The following CADM2 variants were observed in gnomAD, a reference collection of about 807,000 sequenced individuals.
The protein encoded by CADM2 is immunoglobulin superfamily member 4D.
In CADM2, 12 loss-of-function variants were observed where a neutral mutation model predicts 49.8. The observed-to-expected ratio is 0.24, with a 90% CI of 0.15 to 0.39. The LOEUF is 0.39. Ranked by LOEUF, CADM2 falls within the 10% of genes least tolerant of loss-of-function variation. CADM2 has a pLI of 1.00. For missense variants in CADM2, 378 were observed against 492.3 expected, an observed-to-expected ratio of 0.77 and a Z score of 2.20; for synonymous variants, 214 against 175.4, an observed-to-expected ratio of 1.22 and a Z score of -1.74.
At chr3:85,388,697 C>T (rs757779730) in intron 1 of CADM2, among the ~76,000 whole-genome samples, 9 of 151,900 alleles carry the variant, frequency 5.9e-5, no homozygotes, top group Non-Finnish European at 1.2e-4. Flanking sequence ...TCCAGACTTA[C>T]CATAGCCAGG....
At chr3:85,689,745 A>C (rs1364781727) in intron 1 of CADM2, among the ~76,000 whole-genome samples, 1 of 152,246 alleles carries the variant, frequency 6.6e-6, no homozygotes, top group Non-Finnish European at 1.5e-5. Context: ...ATTATTCAGA[A>C]GACAATTATA....
intron 1 of CADM2, among the ~76,000 whole-genome samples, chr3:85,278,684 G>A (rs1289604800): frequency 6.7e-6 from 1 of 150,118 alleles, no homozygotes; most frequent in Non-Finnish European, 1.5e-5. Flanking sequence ...ATTTTTCAGA[G>A]ACGGTGTATG....
intron 1 of CADM2, among the ~76,000 whole-genome samples, chr3:85,556,187 TA>T (rs1331051640): frequency 2.6e-5 from 4 of 152,090 alleles, no homozygotes; most frequent in Non-Finnish European, 5.9e-5. Context: ...AATCTTATAA[TA>T]AAGTAAGCTA....
chr3:85,488,436 A>T (rs1385468470), intron 1 of CADM2, among the ~76,000 whole-genome samples: 1 of 152,170 alleles, frequency 6.6e-6, no homozygotes, highest in African/African-American at 2.4e-5. Flanking sequence ...TGAAAAACAT[A>T]ATTAGTAGTC....
chr3:85,652,760 T>A (rs1457693873), intron 1 of CADM2, among the ~76,000 whole-genome samples: 1 of 134,668 alleles, frequency 7.4e-6, no homozygotes, highest in Non-Finnish European at 1.5e-5. Context: ...CCTGAAAATC[T>A]TTTTTTCTTT....
intron 1 of CADM2, among the ~76,000 whole-genome samples, chr3:85,011,812 C>T (rs967996999): frequency 1.3e-5 from 2 of 151,714 alleles, no homozygotes; most frequent in East Asian, 1.9e-4. Context: ...ATTACTTGAT[C>T]CCAGGAGTGG....
intron 8 of CADM2, among the ~76,000 whole-genome samples, chr3:85,986,364 GT>G (rs1384147818): frequency 1.3e-5 from 2 of 152,080 alleles, no homozygotes; most frequent in Non-Finnish European, 2.9e-5. Flanking sequence ...ATTTGGAGTA[GT>G]AGAATATATC....
At chr3:85,737,738 T>A (rs2068201910) in intron 2 of CADM2, among the ~76,000 whole-genome samples, 1 of 151,938 alleles carries the variant, frequency 6.6e-6, no homozygotes, top group Non-Finnish European at 1.5e-5. Context: ...TTTTGTATTT[T>A]TAGGAGAGAC....
Position 85,157,463 on chromosome 3 carries a change from A to G in CADM2, c.61+197795A>G, listed in dbSNP as rs569203415. Among the ~76,000 whole-genome samples the G allele has an allele frequency of 7.9e-5, 12 of 152,296 alleles. No homozygotes were observed. The South Asian group carries it at 2.1e-3, about 26-fold the overall frequency. Reference sequence around the variant, plus strand: ...TATACTACCAGCCTAGAGTACCCAAAACAGCATGGTACTGGTACCAAAACA... The same window carrying G: ...TATACTACCAGCCTAGAGTACCCAAGACAGCATGGTACTGGTACCAAAACA... On this transcript the variant is annotated intron_variant, in intron 1 of 9. Transcript: ENST00000383699.
chr3:85,695,297 T>G (rs988949968), intron 1 of CADM2, among the ~76,000 whole-genome samples: 3 of 152,116 alleles, frequency 2.0e-5, no homozygotes, highest in Non-Finnish European at 4.4e-5. Flanking sequence ...TAGTGTACAT[T>G]GTACCCAATA....
At chr3:85,020,745 GGT>G (rs5850659) in intron 1 of CADM2, among the ~76,000 whole-genome samples, 73,418 of 150,040 alleles carry the variant, frequency 0.49, 18,101 homozygotes, top group Admixed American at 0.57. Flanking sequence ...GTATGTGTAC[GGT>G]GTGTGTGTGT....
At chr3:85,108,396 T>G (rs1382118194) in intron 1 of CADM2, among the ~76,000 whole-genome samples, 1 of 152,136 alleles carries the variant, frequency 6.6e-6, no homozygotes, top group Non-Finnish European at 1.5e-5. Context: ...CATGCTAGGG[T>G]GTGGATAAAT....
chr3:85,807,449 A>G (rs13064170), intron 3 of CADM2, among the ~76,000 whole-genome samples: 21,752 of 147,454 alleles, frequency 0.15, 1,993 homozygotes, highest in Non-Finnish European at 0.2. Flanking sequence ...CAGTGAACTG[A>G]GATTGTACCA....
chr3:85,046,086 A>G (rs2035643119), intron 1 of CADM2, among the ~76,000 whole-genome samples: 1 of 152,058 alleles, frequency 6.6e-6, no homozygotes, highest in African/African-American at 2.4e-5. Context: ...ACTTGCAAAC[A>G]ATGTGTACAA....
At chr3:86,039,136 A>T (rs1735524390) in intron 8 of CADM2, among the ~76,000 whole-genome samples, 2 of 152,142 alleles carry the variant, frequency 1.3e-5, no homozygotes, top group South Asian at 4.1e-4. Flanking sequence ...AGCTCCCAGC[A>T]TGAGCGACGC....
At position 85,642,029 on chromosome 3, in the gene CADM2, C is replaced by T. The variant is rs187511456; in HGVS notation, c.62-84493C>T. On this transcript the variant is annotated intron_variant, in intron 1 of 9. Transcript: ENST00000383699. Reference sequence around the variant, plus strand: ...CATCTCCTTGACCTTCAAAACAGAACGACCTCACAGGCCTCAGATTAAAAT... The same window carrying T: ...CATCTCCTTGACCTTCAAAACAGAATGACCTCACAGGCCTCAGATTAAAAT... Among the ~76,000 whole-genome samples the T allele has an allele frequency of 8.5e-5, 13 of 152,108 alleles. No homozygotes were observed. In the South Asian group the frequency reaches 1.2e-3, roughly 15 times the overall value.
intron 1 of CADM2, among the ~76,000 whole-genome samples, chr3:85,037,219 T>C (rs899706315): frequency 6.6e-6 from 1 of 152,134 alleles, no homozygotes; most frequent in Non-Finnish European, 1.5e-5. Context: ...ACTGTCATTG[T>C]AGTGTTGGCT....
chr3:86,021,214 G>GT (rs1340866736), intron 8 of CADM2, among the ~76,000 whole-genome samples: 1 of 152,074 alleles, frequency 6.6e-6, no homozygotes, highest in African/African-American at 2.4e-5. Flanking sequence ...TGGCCAGGCT[G>GT]GTCTCGAACT....
chr3:85,276,773 A>G (rs2077529611), intron 1 of CADM2, among the ~76,000 whole-genome samples: 1 of 151,332 alleles, frequency 6.6e-6, no homozygotes, highest in Admixed American at 6.6e-5. Flanking sequence ...TTAATTACAC[A>G]GAAGAATGCA....
Sources: allele counts gnomAD v4.1 joint callset (sites outside exome capture counted in the v4.1 genomes callset), GRCh38; gene constraint gnomAD v4.1.1; transcripts MANE v1.5; gene names NCBI Gene and HGNC (gene_info 2026-07-23, HGNC 2026-07-21).